The following RXFP1 variants were observed in gnomAD, a reference collection of about 807,000 sequenced individuals.
RXFP1 encodes relaxin family peptide receptor 1, also known as relaxin receptor 1.
A neutral mutation model predicts 89.8 loss-of-function variants in RXFP1; 73 were observed. The ratio of observed to expected loss-of-function variants is 0.81; its 90% CI spans 0.67 to 0.99. RXFP1 has a LOEUF of 0.99. RXFP1 is among the 50% of genes least tolerant of loss of function. The probability of loss-of-function intolerance (pLI) is 0.00; values close to 1 mark genes in which losing one functional copy is unlikely to be tolerated. For missense variants in RXFP1, 793 were observed against 895.5 expected (o/e 0.89, Z 1.46); for synonymous variants, 277 against 305.5 (o/e 0.91, Z 0.97).
intron 1 of RXFP1, among the ~76,000 whole-genome samples, chr4:158,565,162 G>A (rs892609217): frequency 6.6e-6 from 1 of 152,152 alleles, no homozygotes; most frequent in African/African-American, 2.4e-5. Flanking sequence ...ATGCAGGAAA[G>A]AGGATCTGTC....
At chr4:158,526,503 CA>C (rs1379698208) in intron 1 of RXFP1, among the ~76,000 whole-genome samples, 1 of 152,152 alleles carries the variant, frequency 6.6e-6, no homozygotes, top group African/African-American at 2.4e-5. Context: ...TGGAGATAAG[CA>C]GGGGCAAGTT....
In RXFP1 at chr4:158,593,547, C is replaced by T. The variant is rs765969944; in HGVS notation, c.286+48C>T. On this transcript the variant is annotated intron_variant, in intron 3 of 17. Coordinates refer to ENST00000307765, the MANE Select transcript of RXFP1 (RefSeq NM_021634.4). The stretch of plus-strand genomic sequence containing the variant: ...TTCTTTTCCATGAGTTCATAAGACA[C>T]CATTTTTAAAAGTTTGATTCAACAT... The T allele has an allele frequency of 1.4e-5, 14 of 996,102 alleles. No individual in the cohort carries two copies. In the South Asian group the frequency reaches 2.5e-4, roughly 18 times the overall value. The allele number at this position is 996,102 out of a possible 1,614,324, so 61.7% of individuals were successfully genotyped here.
intron 1 of RXFP1, among the ~76,000 whole-genome samples, chr4:158,524,447 G>T (rs1316460460): frequency 6.6e-6 from 1 of 152,182 alleles, no homozygotes; most frequent in African/African-American, 2.4e-5. Context: ...AAAGGGATAG[G>T]ATGGAGAAGA....
intron 2 of RXFP1, among the ~76,000 whole-genome samples, chr4:158,579,523 CA>C (rs1756924618): frequency 6.6e-6 from 1 of 152,226 alleles, no homozygotes; most frequent in African/African-American, 2.4e-5. Flanking sequence ...CTCGGCCTCC[CA>C]AAGTGCTGGG....
At chr4:158,559,395 A>G (rs1295475964) in intron 1 of RXFP1, among the ~76,000 whole-genome samples, 1 of 152,220 alleles carries the variant, frequency 6.6e-6, no homozygotes, top group East Asian at 1.9e-4. Flanking sequence ...GTTTAATACC[A>G]TTAGATGAAT....
At chr4:158,641,206 A>G (rs1580286157) in intron 14 of RXFP1, among the ~76,000 whole-genome samples, 1 of 152,350 alleles carries the variant, frequency 6.6e-6, no homozygotes, top group South Asian at 2.1e-4. Flanking sequence ...AACAGAATTT[A>G]TTGGAAGAAA....
chr4:158,614,551 T>C lies in RXFP1; in HGVS notation c.680+2189T>C, dbSNP rs564081213. On this transcript the variant is annotated intron_variant, in intron 8 of 17. Coordinates refer to ENST00000307765, the MANE Select transcript of RXFP1 (RefSeq NM_021634.4). ...CTTATGAATCAACATCTGCTAGCTT[T>C]AAACTTTTATTCTGCAGCTCCTTCA... 2.0e-4 allele frequency among the ~76,000 whole-genome samples: 31 copies of C among 152,348 alleles called. 1 individual carries two copies. In the South Asian group the frequency reaches 6.4e-3, roughly 32 times the overall value.
At chr4:158,534,297 G>A (rs113807190) in intron 1 of RXFP1, among the ~76,000 whole-genome samples, 3,788 of 149,168 alleles carry the variant, frequency 0.025, 136 homozygotes, top group African/African-American at 0.089. Flanking sequence ...GCCCAGGCTG[G>A]AGTGCAATGG....
At chr4:158,644,041 CTTTTT>C (rs70962619) in intron 14 of RXFP1, among the ~76,000 whole-genome samples, 1 of 78,310 alleles carries the variant, frequency 1.3e-5, no homozygotes. Flanking sequence ...TCTATGTCTT[CTTTTT>C]TTTTTTTTTT....
intron 17 of RXFP1, among the ~76,000 whole-genome samples, chr4:158,650,985 A>G (rs1207215032): frequency 6.6e-6 from 1 of 152,106 alleles, no homozygotes; most frequent in Non-Finnish European, 1.5e-5. Context: ...TTAACCAGGC[A>G]TGGTGGCACA....
chr4:158,535,719 T>A (rs753516127), intron 1 of RXFP1, among the ~76,000 whole-genome samples: 1 of 152,370 alleles, frequency 6.6e-6, no homozygotes, highest in South Asian at 2.1e-4. Context: ...ACACAAAATA[T>A]GTGTGGAACA....
intron 3 of RXFP1, among the ~76,000 whole-genome samples, chr4:158,598,666 T>C (rs975490824): frequency 2.6e-5 from 4 of 152,144 alleles, no homozygotes; most frequent in Non-Finnish European, 5.9e-5. Context: ...GCCAAGGTCA[T>C]ACACCTCATT....
chr4:158,614,263 A>G (rs1238671200), intron 8 of RXFP1, among the ~76,000 whole-genome samples: 4 of 152,186 alleles, frequency 2.6e-5, no homozygotes, highest in Non-Finnish European at 5.9e-5. Context: ...CACCAGCTGC[A>G]TTTGCCTCCA....
chr4:158,542,662 C>T (rs948640879), intron 1 of RXFP1, among the ~76,000 whole-genome samples: 21 of 152,188 alleles, frequency 1.4e-4, no homozygotes, highest in African/African-American at 4.6e-4. Flanking sequence ...TCCTGACTAA[C>T]TTTCCAAGTC....
chr4:158,648,914 A>G (rs1361292624), intron 17 of RXFP1, among the ~76,000 whole-genome samples, 197 bp downstream of exon 17: 1 of 152,300 alleles, frequency 6.6e-6, no homozygotes, highest in East Asian at 1.9e-4. Context: ...GGAGTTTGAG[A>G]CCAGCCTGGC....
chr4:158,633,523 T>A (rs1461215262), intron 12 of RXFP1, 47 bp downstream of exon 12: 1 of 1,231,568 alleles, frequency 8.1e-7, no homozygotes. Context: ...ATTTTATTAT[T>A]TTTTAAATTG....
intron 12 of RXFP1, among the ~76,000 whole-genome samples, chr4:158,637,593 C>G (rs1769450786): frequency 6.6e-6 from 1 of 152,016 alleles, no homozygotes; most frequent in Non-Finnish European, 1.5e-5. Flanking sequence ...TATTTGTTTT[C>G]TTGCTGAGTT....
At chr4:158,632,959 C>G (rs1339225283) in intron 11 of RXFP1, among the ~76,000 whole-genome samples, 1 of 152,154 alleles carries the variant, frequency 6.6e-6, no homozygotes, top group Non-Finnish European at 1.5e-5. Context: ...ATCACAAGGT[C>G]AGGAGTTCGA....
At position 158,634,447 on chromosome 4, in the gene RXFP1, T is replaced by A. The variant is rs574531891; in HGVS notation, c.971+971T>A. On this transcript the variant is annotated intron_variant, in intron 12 of 17. Transcript: ENST00000307765. ...TAACTTCTTTTCAGATACATGATTTTCAAATATTTTCTCCCATTGTATGGG... is the reference window on the plus strand; with the variant it reads ...TAACTTCTTTTCAGATACATGATTTACAAATATTTTCTCCCATTGTATGGG... Among the ~76,000 whole-genome samples, 3 of 152,312 alleles carry A rather than the reference T, an allele frequency of 2.0e-5. No homozygotes were observed. In the East Asian group the frequency reaches 5.8e-4, roughly 29 times the overall value.
Sources: gnomAD v4.1 joint callset for allele counts (sites outside exome capture counted in the v4.1 genomes callset) on GRCh38, gnomAD v4.1.1 for gene constraint, MANE v1.5 for transcripts, NCBI Gene and HGNC (gene_info 2026-07-23, HGNC 2026-07-21) for gene names.